GHR: variants seen among roughly 807,000 people sequenced by gnomAD.
The protein encoded by GHR is GH receptor.
Under a neutral mutation model 67.1 loss-of-function variants are expected in GHR, and 35 were observed. That is an observed-to-expected ratio of 0.52 (90% CI 0.40 to 0.69). The LOEUF (loss-of-function observed/expected upper bound fraction) is 0.69. Ranked by LOEUF, GHR falls within the 30% of genes least tolerant of loss-of-function variation. GHR has a pLI of 0.00. For synonymous variants in GHR, 272 were observed against 269.1 expected (o/e 1.01, Z -0.10); for missense variants, 792 against 764.6 (o/e 1.04, Z -0.42).
intron 8 of GHR, among the ~76,000 whole-genome samples, chr5:42,715,590 G>A (rs1441577064): frequency 2.0e-5 from 3 of 152,188 alleles, no homozygotes; most frequent in African/African-American, 2.4e-5. Flanking sequence ...CCTTTGAGCT[G>A]TTACCAATTG....
chr5:42,570,557 A>AT (rs1488820969), intron 2 of GHR, among the ~76,000 whole-genome samples: 1 of 152,002 alleles, frequency 6.6e-6, no homozygotes, highest in African/African-American at 2.4e-5. Flanking sequence ...GCATTTATTC[A>AT]TTTTTTTGTT....
chr5:42,535,342 A>G (rs1216415497), intron 1 of GHR, among the ~76,000 whole-genome samples: 1 of 152,084 alleles, frequency 6.6e-6, no homozygotes, highest in Non-Finnish European at 1.5e-5. Context: ...GTATGAGGTA[A>G]GAGATGAGGA....
chr5:42,583,810 C>G (rs991018990), intron 2 of GHR, among the ~76,000 whole-genome samples: 1 of 151,332 alleles, frequency 6.6e-6, no homozygotes, highest in African/African-American at 2.4e-5. Flanking sequence ...TGGTTCTTTC[C>G]TGCCTTCCCT....
intron 1 of GHR, among the ~76,000 whole-genome samples, chr5:42,450,293 C>G (rs182705013): frequency 6.6e-6 from 1 of 152,198 alleles, no homozygotes; most frequent in East Asian, 1.9e-4. Context: ...ATTACTGTTT[C>G]AGTCTCACTA....
chr5:42,452,310 C>G (rs924698674), intron 1 of GHR, among the ~76,000 whole-genome samples: 4 of 152,076 alleles, frequency 2.6e-5, no homozygotes, highest in African/African-American at 9.7e-5. Flanking sequence ...TTACCTGATG[C>G]TTTTGTCTCA....
At chr5:42,431,480 A>T (rs1186428022) in intron 1 of GHR, among the ~76,000 whole-genome samples, 2 of 152,196 alleles carry the variant, frequency 1.3e-5, no homozygotes, top group Non-Finnish European at 2.9e-5. Context: ...CTTAGTAATG[A>T]TTCATAAGAA....
At chr5:42,707,354 T>C (rs1438295392) in intron 6 of GHR, among the ~76,000 whole-genome samples, 2 of 152,104 alleles carry the variant, frequency 1.3e-5, no homozygotes, top group East Asian at 3.9e-4. Context: ...ATAAAAGTGA[T>C]TTGCATATTA....
intron 1 of GHR, among the ~76,000 whole-genome samples, chr5:42,504,139 A>T (rs1373095003): frequency 1.3e-5 from 2 of 152,162 alleles, no homozygotes; most frequent in African/African-American, 4.8e-5. Flanking sequence ...TTTTGGAGTT[A>T]TCCTGCAAAG....
chr5:42,610,612 G>C (rs1309641310), intron 2 of GHR, among the ~76,000 whole-genome samples: 1 of 151,874 alleles, frequency 6.6e-6, no homozygotes, highest in African/African-American at 2.4e-5. Context: ...AATGGAGAAG[G>C]AGCTGCAGAA....
At chr5:42,632,697 GT>G (rs1753987265) in intron 3 of GHR, among the ~76,000 whole-genome samples, 1 of 134,282 alleles carries the variant, frequency 7.4e-6, no homozygotes, top group Non-Finnish European at 1.6e-5. Context: ...GGACCTTTCA[GT>G]TCACATACGT....
intron 4 of GHR, among the ~76,000 whole-genome samples, chr5:42,689,573 TG>T (rs909288885): frequency 1.1e-4 from 17 of 152,006 alleles, no homozygotes; most frequent in Non-Finnish European, 1.2e-4. Context: ...CGTGAGTATC[TG>T]GGGGAAAGGC....
intron 6 of GHR, among the ~76,000 whole-genome samples, chr5:42,707,764 A>T (rs1051309022): frequency 9.9e-5 from 15 of 150,904 alleles, no homozygotes; most frequent in African/African-American, 3.4e-4. Context: ...TGCATAAAAA[A>T]CTCTACACTT....
intron 3 of GHR, among the ~76,000 whole-genome samples, chr5:42,685,263 G>C (rs1757082383): frequency 6.6e-6 from 1 of 152,124 alleles, no homozygotes; most frequent in Non-Finnish European, 1.5e-5. Flanking sequence ...TCCCTGCAAA[G>C]AACATGAACT....
Position 42,694,969 on chromosome 5 carries a change from G to A in GHR, c.319G>A (p.Ala107Thr), listed in dbSNP as rs1393706463. ...GAAAGAATGCCCTGATTATGTTTCT[G>A]CTGGGGAAAACAGCTGTTACTTTAA... ...EWKECPDYVS[A>T]GENSCYFNSS... The change falls in exon 5 of 10, where the codon GCT becomes ACT. Residue 107 changes from alanine to threonine, a missense_variant. By Grantham distance (58) the Ala-to-Thr change is moderately conservative. Coordinates refer to ENST00000230882, the MANE Select transcript of GHR (RefSeq NM_000163.5). The A allele has an allele frequency of 6.2e-7, 1 of 1,611,876 alleles. No individual in the cohort carries two copies. The highest frequency in any genetic ancestry group is 1.7e-5 in the Admixed American group (1 of 59,848).
chr5:42,505,040 A>G (rs1302534419), intron 1 of GHR, among the ~76,000 whole-genome samples: 1 of 152,044 alleles, frequency 6.6e-6, no homozygotes, highest in African/African-American at 2.4e-5. Context: ...GTTTTCAAGG[A>G]CAGGTCAGAT....
At chr5:42,654,897 G>T (rs1755178816) in intron 3 of GHR, among the ~76,000 whole-genome samples, 1 of 152,044 alleles carries the variant, frequency 6.6e-6, no homozygotes, top group South Asian at 2.1e-4. Context: ...CAGCCACTTG[G>T]CAAGGCTCTA....
intron 3 of GHR, among the ~76,000 whole-genome samples, chr5:42,679,171 T>G (rs1438284205): frequency 5.6e-5 from 8 of 141,874 alleles, no homozygotes; most frequent in African/African-American, 1.3e-4. Context: ...TTAATTAATA[T>G]ATTATATATT....
intron 1 of GHR, among the ~76,000 whole-genome samples, chr5:42,539,999 T>A (rs1748430858): frequency 6.6e-6 from 1 of 152,224 alleles, no homozygotes; most frequent in East Asian, 1.9e-4. Flanking sequence ...CTATTTCTAG[T>A]TTATTAAGAC....
intron 1 of GHR, among the ~76,000 whole-genome samples, chr5:42,508,829 C>T (rs2112257836): frequency 6.6e-6 from 1 of 152,298 alleles, no homozygotes; most frequent in East Asian, 1.9e-4. Flanking sequence ...CCGGCTCGGC[C>T]TCCCAAAGTG....
Sources: gnomAD v4.1 joint callset for allele counts (sites outside exome capture counted in the v4.1 genomes callset) on GRCh38, gnomAD v4.1.1 for gene constraint, MANE v1.5 for transcripts, NCBI Gene and HGNC (gene_info 2026-07-23, HGNC 2026-07-21) for gene names.